Variants in CACNA1H observed in about 807,000 individuals in gnomAD.
CACNA1H encodes calcium voltage-gated channel subunit alpha1 H, also known as voltage-dependent T-type calcium channel subunit alpha-1H.
In CACNA1H, 149 loss-of-function variants were observed where a neutral mutation model predicts 192.5. The observed-to-expected ratio is 0.77, with a 90% CI of 0.68 to 0.89. The LOEUF (loss-of-function observed/expected upper bound fraction) is 0.89. Ranked by LOEUF, CACNA1H falls within the 40% of genes least tolerant of loss-of-function variation. The pLI is 0.00. For missense variants in CACNA1H, 4,257 were observed against 3,423.5 expected, an observed-to-expected ratio of 1.24 and a Z score of -6.08; for synonymous variants, 2,202 against 1,475.2, an observed-to-expected ratio of 1.49 and a Z score of -11.29.
chr16:1,217,877 GGAGC>G (rs985591865), intron 31 of CACNA1H, 38 bp from the exon 32 acceptor site: 12 of 1,557,496 alleles, frequency 7.7e-6, no homozygotes, highest in Non-Finnish European at 9.6e-6. Context: ...GCCTCCACCC[GGAGC>G]GGGCTCGGCT....
At chr16:1,175,084 C>T (rs1964742987) in intron 2 of CACNA1H, among the ~76,000 whole-genome samples, 1 of 152,178 alleles carries the variant, frequency 6.6e-6, no homozygotes. Context: ...TCAACTTCCA[C>T]AGGCCCGCGT....
At chr16:1,164,226 C>T (rs1322036421) in intron 2 of CACNA1H, among the ~76,000 whole-genome samples, 1 of 152,204 alleles carries the variant, frequency 6.6e-6, no homozygotes, top group Admixed American at 6.5e-5. Flanking sequence ...GAGGGGTGTC[C>T]ATGCATGTTT....
At chr16:1,166,015 G>C (rs1030230564) in intron 2 of CACNA1H, among the ~76,000 whole-genome samples, 3 of 152,210 alleles carry the variant, frequency 2.0e-5, no homozygotes, top group South Asian at 2.1e-4. Context: ...GGTCCTCCTC[G>C]TCCTGTTGGC....
At position 1,154,124 on chromosome 16, in the gene CACNA1H, C is replaced by T; in HGVS notation, c.299+88C>T. 8 of 1,057,290 alleles carry T rather than the reference C, an allele frequency of 7.6e-6. No individual in the cohort carries two copies. The South Asian group carries it at 2.5e-4, about 33-fold the overall frequency. The allele number at this position is 1,057,290 out of a possible 1,614,324, so 65.5% of individuals were successfully genotyped here. On this transcript the variant is annotated intron_variant, in intron 2 of 34. Coordinates refer to ENST00000348261, the MANE Select transcript of CACNA1H (RefSeq NM_021098.3). ...CGCGGGACTCCCTCGGCATGCGCCC[C>T]CGCGCGCCCCTGTTGGTGGGACCTG... is the stretch of plus-strand genomic sequence containing the variant.
chr16:1,205,836 G>A (rs565487240), intron 11 of CACNA1H, among the ~76,000 whole-genome samples: 14 of 152,336 alleles, frequency 9.2e-5, no homozygotes, highest in East Asian at 1.9e-4. Context: ...CGCCCTCGGC[G>A]AAGGAGCTTC....
chr16:1,220,356 G>A lies in CACNA1H; in HGVS notation c.6424G>A (p.Gly2142Ser), dbSNP rs959490142. 7.9e-6 allele frequency: 12 copies of A among 1,527,662 alleles called. No individual in the cohort carries two copies. The highest frequency in any genetic ancestry group is 9.6e-6 in the Non-Finnish European group (11 of 1,145,946). The allele number at this position is 1,527,662 out of a possible 1,614,324, so 94.6% of individuals were successfully genotyped here. A position where few individuals can be genotyped will look rare whatever the true frequency, so the allele number is the denominator to read the frequency against. The change falls in exon 35 of 35, where the codon GGC (glycine) becomes AGC (serine). Residue 2142 changes from glycine (G) to serine (S), a missense_variant. By Grantham distance (56) the Gly-to-Ser change is moderately conservative. Coordinates refer to ENST00000348261, the MANE Select transcript of CACNA1H (RefSeq NM_021098.3). ...LRRLYSVDAQGFLDKPGRADE... is the reference protein window; with the variant it reads ...LRRLYSVDAQSFLDKPGRADE... ...CAGGCTCTACAGCGTGGATGCTCAG[G>A]GCTTCCTGGACAAGCCGGGCCGGGC...
chr16:1,160,936 C>G (rs556579567), intron 2 of CACNA1H, among the ~76,000 whole-genome samples: 3 of 152,248 alleles, frequency 2.0e-5, no homozygotes, highest in South Asian at 2.1e-4. Context: ...GCGGCCCCCC[C>G]CCAGCCTCGG....
At position 1,221,724 on chromosome 16, in the gene CACNA1H, A is replaced by G. The variant is rs375214118; in HGVS notation, c.*730A>G. ...TGCAGAAGACTCAGCTTCTCAAGGG[A>G]GAGGGAGGGGGCGGAGCGGAATAAA... On this transcript the variant is annotated 3_prime_UTR_variant, in exon 35 of 35. Coordinates refer to ENST00000348261, the MANE Select transcript of CACNA1H (RefSeq NM_021098.3). 30 of 1,435,006 alleles carry G rather than the reference A, an allele frequency of 2.1e-5. No homozygotes were observed. In the African/African-American group the frequency reaches 3.4e-4, roughly 16 times the overall value. The allele number at this position is 1,435,006 out of a possible 1,614,324, so 88.9% of individuals were successfully genotyped here.
At chr16:1,203,889 C>T (rs988810483) in intron 9 of CACNA1H, 121 bp from the exon 10 acceptor site, 4 of 695,510 alleles carry the variant, frequency 5.8e-6, no homozygotes, top group Non-Finnish European at 9.4e-6. Context: ...GGAGGTTGGA[C>T]TCTGGATGGA....
rs150356401 is a variant in CACNA1H, at chr16:1,202,473, C to G, written c.2002+21C>G. The G allele has an allele frequency of 5.5e-4, 811 of 1,463,844 alleles. 7 individuals are homozygous for G. The African/African-American group carries it at 9.3e-3, about 17-fold the overall frequency. 90.7% of individuals were successfully genotyped at this position (1,463,844 alleles called of 1,614,324 possible). On this transcript the variant is annotated intron_variant, in intron 9 of 34. Coordinates refer to ENST00000348261, the MANE Select transcript of CACNA1H (RefSeq NM_021098.3). Reference sequence around the variant, plus strand: ...GCATGGTGAGGACCCAGCCCCACCCCACGGAGGAGGCGGTGGGACCTAGGC... The same window carrying G: ...GCATGGTGAGGACCCAGCCCCACCCGACGGAGGAGGCGGTGGGACCTAGGC...
intron 34 of CACNA1H, 27 bp from the exon 35 acceptor site, chr16:1,219,954 C>T: frequency 7.8e-7 from 1 of 1,277,664 alleles, no homozygotes; most frequent in Non-Finnish European, 9.9e-7. Flanking sequence ...GGGCCCCGCC[C>T]CTCACTTTGA....
rs1567533746 is a variant in CACNA1H at position 1,209,023 on chromosome 16, A to AC, written c.3364-3dup. The AC allele has an allele frequency of 4.0e-5, 60 of 1,485,544 alleles. 1 individual carries two copies. In the East Asian group the frequency reaches 1.4e-3, roughly 35 times the overall value. 92.0% of individuals were successfully genotyped at this position (1,485,544 alleles called of 1,614,324 possible). On this transcript the variant is annotated splice_polypyrimidine_tract_variant and intron_variant, in intron 16 of 34. Transcript: ENST00000348261. The stretch of plus-strand genomic sequence containing the variant: ...TGCCACCAGGTCACTGACTCCCGCC[A>AC]CCCCCCAGGCCAGCCTCCGAAGTTC...
intron 2 of CACNA1H, among the ~76,000 whole-genome samples, chr16:1,190,478 C>A (rs985033105): frequency 6.6e-6 from 1 of 152,168 alleles, no homozygotes; most frequent in Non-Finnish European, 1.5e-5. Context: ...GGATGTGGGA[C>A]CTCGGCTGAC....
chr16:1,158,886 C>T (rs979966714), intron 2 of CACNA1H, among the ~76,000 whole-genome samples: 31 of 151,984 alleles, frequency 2.0e-4, no homozygotes, highest in South Asian at 2.1e-4. Context: ...GCAGGGCCCC[C>T]GCTCAGCCCG....
chr16:1,188,433 C>A (rs1290883258), intron 2 of CACNA1H, among the ~76,000 whole-genome samples: 1 of 151,552 alleles, frequency 6.6e-6, no homozygotes, highest in African/African-American at 2.4e-5. Flanking sequence ...GCAGCCCCGA[C>A]ACTGGCTGAG....
rs540700640 is a variant in CACNA1H at position 1,189,211 on chromosome 16, G to T, written c.300-5761G>T. Among the ~76,000 whole-genome samples the T allele has an allele frequency of 5.9e-5, 9 of 151,718 alleles. No homozygotes were observed. In the East Asian group the frequency reaches 1.7e-3, roughly 29 times the overall value. On this transcript the variant is annotated intron_variant, in intron 2 of 34. Coordinates refer to ENST00000348261, the MANE Select transcript of CACNA1H (RefSeq NM_021098.3). ...AGACTGAGGAGCTGGTGTCCCTGAA[G>T]CGTCCTGGGCGGGACTGGTTTTCTT...
chr16:1,209,405 C>G lies in CACNA1H; in HGVS notation c.3737C>G (p.Ser1246Trp), dbSNP rs571145188. The G allele has an allele frequency of 1.6e-5, 26 of 1,597,416 alleles. No homozygotes were observed. The African/African-American group carries it at 2.5e-4, about 16-fold the overall frequency. The change falls in exon 17 of 35, where the codon TCG becomes TGG. Residue 1246 changes from serine to tryptophan, a missense_variant. Transcript: ENST00000348261. ...REDAAELDDD[S>W]EDSCCLRLHK... is the part of the protein sequence containing the mutation. ...GATGCAGCCGAGCTTGACGACGACT[C>G]GGAGGACGTGAGTGCGTGGCCCTGG... is the stretch of plus-strand genomic sequence containing the variant.
At chr16:1,210,174 AC>A in intron 18 of CACNA1H, 39 bp downstream of exon 18, 3 of 1,474,974 alleles carry the variant, frequency 2.0e-6, no homozygotes, top group African/African-American at 1.4e-5. Context: ...GGCTAGTTCC[AC>A]CCCACGGGAC....
rs201309183 is a variant in CACNA1H, at chr16:1,213,862, C to T, written c.4860C>T (p.Asp1620=). 367 of 1,610,388 alleles carry T rather than the reference C, an allele frequency of 2.3e-4. 2 individuals are homozygous for T. Among genetic ancestry groups the T allele is most frequent in the South Asian group, 3.0e-4 (27 of 90,270 alleles). ...CGCTGTGCACCAGCCACTATCTCGA[C>T]CTCTTCATCACCTTCATCATCTGTG... ...IHSLCTSHYL[D]LFITFIICVN... Residue 1620 remains aspartate (D), a synonymous_variant, in exon 27 of 35, where the codon GAC becomes GAT. Transcript: ENST00000348261.
Sources: gnomAD v4.1 joint callset for allele counts (sites outside exome capture counted in the v4.1 genomes callset) on GRCh38, gnomAD v4.1.1 for gene constraint, MANE v1.5 for transcripts, NCBI Gene and HGNC (gene_info 2026-07-23, HGNC 2026-07-21) for gene names.